The following AMBRA1 variants were observed in gnomAD, a reference collection of about 807,000 sequenced individuals.
AMBRA1 encodes autophagy and beclin 1 regulator 1, also known as activating molecule in BECN1-regulated autophagy protein 1.
Under a neutral mutation model 125.4 loss-of-function variants are expected in AMBRA1, and 47 were observed. The observed-to-expected ratio is 0.37, with a 90% CI of 0.30 to 0.48. AMBRA1 has a LOEUF of 0.48. AMBRA1 is among the 20% of genes least tolerant of loss of function. AMBRA1 has a pLI of 0.99. For synonymous variants in AMBRA1, 626 were observed against 655.5 expected, an observed-to-expected ratio of 0.95 and a Z score of 0.69; for missense variants, 1,331 against 1,693.4, an observed-to-expected ratio of 0.79 and a Z score of 3.76.
At chr11:46,579,429 C>T (rs1242141327) in intron 1 of AMBRA1, among the ~76,000 whole-genome samples, 1 of 152,116 alleles carries the variant, frequency 6.6e-6, no homozygotes. Flanking sequence ...TGCACTCCAG[C>T]CTGGGCAACA....
At chr11:46,495,775 A>G (rs1483146526) in intron 9 of AMBRA1, among the ~76,000 whole-genome samples, 1 of 152,252 alleles carries the variant, frequency 6.6e-6, no homozygotes, top group Admixed American at 6.5e-5. Flanking sequence ...TACTGTTGTG[A>G]TAAATTACTA....
At chr11:46,478,564 T>C (rs1053471702) in intron 11 of AMBRA1, among the ~76,000 whole-genome samples, 1 of 152,172 alleles carries the variant, frequency 6.6e-6, no homozygotes, top group Admixed American at 6.6e-5. Flanking sequence ...AGCTTTTTAT[T>C]TGAATGTTGT....
intron 7 of AMBRA1, among the ~76,000 whole-genome samples, chr11:46,528,704 GA>G (rs1036719055): frequency 6.6e-6 from 1 of 152,144 alleles, no homozygotes; most frequent in Non-Finnish European, 1.5e-5. Context: ...GAGATCTATT[GA>G]ACAATAATGT....
intron 17 of AMBRA1, among the ~76,000 whole-genome samples, chr11:46,402,663 C>A (rs144749594): frequency 1.5e-4 from 23 of 152,316 alleles, no homozygotes; most frequent in Non-Finnish European, 2.2e-4. Flanking sequence ...TGGAGAAGCA[C>A]TTACATGTCT....
chr11:46,580,406 C>T (rs950690831), intron 1 of AMBRA1, among the ~76,000 whole-genome samples: 53 of 152,298 alleles, frequency 3.5e-4, no homozygotes, highest in African/African-American at 1.3e-3. Context: ...GATATCTGCA[C>T]TTGTATGTTT....
chr11:46,508,046 TC>T, intron 9 of AMBRA1, 144 bp downstream of exon 9: 1 of 869,610 alleles, frequency 1.1e-6, no homozygotes, highest in Non-Finnish European at 1.8e-6. Context: ...TAACCCTCTG[TC>T]CCTCACCCCA....
At chr11:46,443,645 G>A (rs369161543) in intron 11 of AMBRA1, 47 bp from the exon 12 acceptor site, 277 of 1,478,364 alleles carry the variant, frequency 1.9e-4, no homozygotes, top group Non-Finnish European at 2.4e-4. Flanking sequence ...ATTTATCCAC[G>A]TTTCCACTGC....
At chr11:46,525,628 G>A (rs1433985455) in intron 7 of AMBRA1, among the ~76,000 whole-genome samples, 3 of 152,022 alleles carry the variant, frequency 2.0e-5, no homozygotes, top group African/African-American at 7.2e-5. Flanking sequence ...GCACGTGCCT[G>A]TAGTCCCAGC....
At chr11:46,509,955 G>A (rs1252419963) in intron 8 of AMBRA1, among the ~76,000 whole-genome samples, 1 of 152,142 alleles carries the variant, frequency 6.6e-6, no homozygotes, top group Non-Finnish European at 1.5e-5. Context: ...CTTGCAAAGA[G>A]GTCCTCAGTA....
At chr11:46,473,633 G>T (rs1332074030) in intron 11 of AMBRA1, among the ~76,000 whole-genome samples, 2 of 152,190 alleles carry the variant, frequency 1.3e-5, no homozygotes, top group Non-Finnish European at 2.9e-5. Flanking sequence ...AAAAATAATG[G>T]ATCCTTTAAG....
intron 9 of AMBRA1, among the ~76,000 whole-genome samples, chr11:46,507,299 G>A (rs1234437130): frequency 1.3e-5 from 2 of 150,328 alleles, no homozygotes; most frequent in Non-Finnish European, 3.0e-5. Context: ...CTAACATGGT[G>A]AAACCCCATC....
chr11:46,570,106 T>TA (rs1591152753), intron 1 of AMBRA1, among the ~76,000 whole-genome samples: 1 of 150,972 alleles, frequency 6.6e-6, no homozygotes, highest in Non-Finnish European at 1.5e-5. Flanking sequence ...ACTAAAAATA[T>TA]AAAAAAATAG....
intron 1 of AMBRA1, among the ~76,000 whole-genome samples, chr11:46,564,723 T>C (rs1261106709): frequency 6.6e-6 from 1 of 152,160 alleles, no homozygotes; most frequent in Admixed American, 6.6e-5. Context: ...CTTGGACAAA[T>C]TCTATAATAT....
chr11:46,516,525 G>T (rs1352705067), intron 7 of AMBRA1, among the ~76,000 whole-genome samples: 3 of 149,620 alleles, frequency 2.0e-5, no homozygotes, highest in Non-Finnish European at 4.4e-5. Flanking sequence ...CCGCCTCCTG[G>T]GTTCGAGCCA....
chr11:46,540,378 T>G (rs1952680496), intron 7 of AMBRA1, among the ~76,000 whole-genome samples: 1 of 152,174 alleles, frequency 6.6e-6, no homozygotes, highest in Admixed American at 6.5e-5. Flanking sequence ...TTGACTGCCT[T>G]CTCACCACTC....
chr11:46,410,463 C>A, intron 15 of AMBRA1, 95 bp from the exon 16 acceptor site: 1 of 1,074,186 alleles, frequency 9.3e-7, no homozygotes, highest in Non-Finnish European at 1.4e-6. Flanking sequence ...TGGACTGTGG[C>A]TGCCCATCCT....
At chr11:46,448,818 G>A (rs552982493) in intron 11 of AMBRA1, among the ~76,000 whole-genome samples, 13 of 152,114 alleles carry the variant, frequency 8.5e-5, no homozygotes, top group African/African-American at 1.2e-4. Flanking sequence ...ATGAACAACC[G>A]TATGCCTACA....
intron 17 of AMBRA1, among the ~76,000 whole-genome samples, chr11:46,405,405 G>A (rs1945958893): frequency 1.3e-5 from 2 of 152,162 alleles, no homozygotes; most frequent in South Asian, 4.1e-4. Context: ...CATGGTAAAA[G>A]CTCAGTGAAA....
intron 17 of AMBRA1, 91 bp downstream of exon 17, chr11:46,408,422 A>T: frequency 7.7e-7 from 1 of 1,303,736 alleles, no homozygotes. Context: ...TCACCCAGAC[A>T]TGGGAGGGGG....
Sources: gnomAD v4.1 joint callset for allele counts (sites outside exome capture counted in the v4.1 genomes callset) on GRCh38, gnomAD v4.1.1 for gene constraint, MANE v1.5 for transcripts, NCBI Gene and HGNC (gene_info 2026-07-23, HGNC 2026-07-21) for gene names.